The following UBR4 variants were observed in gnomAD, a reference collection of about 807,000 sequenced individuals.
The protein encoded by UBR4 is ubiquitin protein ligase E3 component n-recognin 4, also known as E3 ubiquitin-protein ligase UBR4.
Under a neutral mutation model 575.6 loss-of-function variants are expected in UBR4, and 124 were observed. That is an observed-to-expected ratio of 0.22 (90% CI 0.19 to 0.25). The LOEUF is 0.25. UBR4 is among the 10% of genes least tolerant of loss of function. The pLI is 1.00. For missense variants in UBR4, 4,818 were observed against 6,478.8 expected (o/e 0.74, Z 8.80); for synonymous variants, 2,455 against 2,473.7 (o/e 0.99, Z 0.22).
chr1:19,166,126 A>T (rs1303348134), intron 29 of UBR4, among the ~76,000 whole-genome samples: 2 of 152,246 alleles, frequency 1.3e-5, no homozygotes, highest in East Asian at 3.8e-4. Flanking sequence ...AAGAGGAGAC[A>T]GGGAATAAAA....
intron 64 of UBR4, among the ~76,000 whole-genome samples, chr1:19,125,860 T>C (rs1031783520): frequency 6.6e-6 from 1 of 152,182 alleles, no homozygotes; most frequent in Non-Finnish European, 1.5e-5. Context: ...TGGGCATTGA[T>C]ACATGCTAGG....
intron 70 of UBR4, 60 bp downstream of exon 70, chr1:19,119,497 T>G: frequency 6.3e-7 from 1 of 1,579,158 alleles, no homozygotes; most frequent in Admixed American, 1.8e-5. Context: ...TATTCTTAAC[T>G]CAAGAGAAAA....
At position 19,167,019 on chromosome 1, in the gene UBR4, C is replaced by T; in HGVS notation, c.4109+3G>A. 1.2e-6 allele frequency: 2 copies of T among 1,614,220 alleles called. No homozygotes were observed. The highest frequency in any genetic ancestry group is 1.7e-6 in the Non-Finnish European group (2 of 1,180,028). On this transcript the variant is annotated splice_donor_region_variant and intron_variant, in intron 29 of 105. Coordinates refer to ENST00000375254, the MANE Select transcript of UBR4 (RefSeq NM_020765.3). ...AAACCTGACTGTTCTCCATCAGGCT[C>T]ACCTGTTAGGATCTGCATGATTGGC...
intron 55 of UBR4, among the ~76,000 whole-genome samples, chr1:19,143,318 GAAAA>G (rs2084353039): frequency 7.0e-6 from 1 of 142,412 alleles, no homozygotes; most frequent in Non-Finnish European, 1.5e-5. Context: ...AAGAAAGAAA[GAAAA>G]TTTAAAAGTA....
rs182237400 is a variant in UBR4, at chr1:19,079,894, C to T, written c.15233+1455G>A. ...ATTTAAGGCCAATTAGTAAAGGTGACGAAACTGCTACAGAGAAAACAGCAA... is the reference window on the plus strand; with the variant it reads ...ATTTAAGGCCAATTAGTAAAGGTGATGAAACTGCTACAGAGAAAACAGCAA... On this transcript the variant is annotated intron_variant, in intron 103 of 105. Transcript: ENST00000375254. 1.3e-3 allele frequency: 200 copies of T among 152,302 alleles called. 1 individual carries two copies. Among genetic ancestry groups the T allele is most frequent in the African/African-American group, 4.4e-3 (181 of 41,576 alleles). The allele number at this position is 152,302 out of a possible 1,614,324, so 9.4% of individuals were successfully genotyped here.
intron 63 of UBR4, 145 bp downstream of exon 63, chr1:19,127,478 G>A (rs2149607646): frequency 1.4e-6 from 1 of 691,446 alleles, no homozygotes; most frequent in Admixed American, 2.3e-5. Context: ...TTCTGCTCTT[G>A]AAAAGGTGAC....
At chr1:19,177,179 T>G (rs1180933861) in intron 19 of UBR4, among the ~76,000 whole-genome samples, 19 of 152,220 alleles carry the variant, frequency 1.2e-4, no homozygotes. Context: ...CTCAGGGCAC[T>G]GCATCAGACA....
At chr1:19,192,457 A>G (rs1553229113) in intron 10 of UBR4, 24 bp downstream of exon 10, 1 of 1,614,226 alleles carries the variant, frequency 6.2e-7, no homozygotes, top group Non-Finnish European at 8.5e-7. Context: ...GGAAGTATGC[A>G]GCAGAGACAG....
At chr1:19,170,713 G>C (rs1407457118) in intron 26 of UBR4, 49 bp downstream of exon 26, 1 of 1,613,228 alleles carries the variant, frequency 6.2e-7, no homozygotes, top group African/African-American at 1.3e-5. Flanking sequence ...AGTACTAGCA[G>C]TAGTAGCTGT....
intron 78 of UBR4, 58 bp downstream of exon 78, chr1:19,112,466 C>A: frequency 2.6e-6 from 4 of 1,541,750 alleles, no homozygotes; most frequent in African/African-American, 1.4e-5. Flanking sequence ...ACGCTCCTGG[C>A]ATGGCTGCCA....
chr1:19,195,584 C>G (rs1383623007), intron 8 of UBR4, among the ~76,000 whole-genome samples: 1 of 152,032 alleles, frequency 6.6e-6, no homozygotes, highest in Non-Finnish European at 1.5e-5. Context: ...TTTAAAAATG[C>G]AAAATCAACG....
intron 21 of UBR4, 130 bp from the exon 22 acceptor site, chr1:19,174,577 G>T: frequency 1.5e-6 from 2 of 1,330,916 alleles, no homozygotes; most frequent in South Asian, 1.4e-5. Flanking sequence ...TTTCTCCTTG[G>T]AACAGATTCC....
chr1:19,156,473 G>T, intron 41 of UBR4, 50 bp from the exon 42 acceptor site: 1 of 1,591,618 alleles, frequency 6.3e-7, no homozygotes, highest in Non-Finnish European at 8.6e-7. Flanking sequence ...CTGAAAAGTG[G>T]GCTAATTCAT....
intron 90 of UBR4, 118 bp downstream of exon 90, chr1:19,099,479 G>T: frequency 1.1e-6 from 1 of 889,690 alleles, no homozygotes; most frequent in Non-Finnish European, 1.8e-6. Flanking sequence ...GGACAGTAAA[G>T]CCTTAGAGAG....
chr1:19,179,356 A>AT, intron 17 of UBR4, 136 bp from the exon 18 acceptor site: 1 of 970,196 alleles, frequency 1.0e-6, no homozygotes, highest in Non-Finnish European at 1.4e-6. Context: ...AGAAATTCAG[A>AT]TTTTGGAATA....
chr1:19,094,482 C>T (rs1323443917), intron 94 of UBR4, among the ~76,000 whole-genome samples: 1 of 152,148 alleles, frequency 6.6e-6, no homozygotes, highest in East Asian at 1.9e-4. Flanking sequence ...ACAGGCATAG[C>T]AGGTGGAGAG....
chr1:19,184,277 C>A, intron 15 of UBR4, 102 bp from the exon 16 acceptor site: 1 of 1,219,286 alleles, frequency 8.2e-7, no homozygotes, highest in Non-Finnish European at 1.1e-6. Context: ...CATAGGTATC[C>A]TGCAATAAAC....
chr1:19,156,226 G>A, intron 42 of UBR4, 45 bp downstream of exon 42: 4 of 1,600,110 alleles, frequency 2.5e-6, no homozygotes, highest in Non-Finnish European at 3.4e-6. Flanking sequence ...GGATTTAAAA[G>A]TAGAAAAATT....
rs751951530 is a variant in UBR4, at chr1:19,094,896, C to T, written c.13746+10G>A. On this transcript the variant is annotated intron_variant, in intron 94 of 105. Transcript: ENST00000375254. ...AGTGCCTGCAGATGGAGGGGCCGAG[C>T]CCCACTCACCTTGTCCTCACTCAGG... 6.2e-7 allele frequency: 1 copy of T among 1,612,582 alleles called. No homozygotes were observed. The highest frequency in any genetic ancestry group is 8.5e-7 in the Non-Finnish European group (1 of 1,179,886).
Sources: gnomAD v4.1 joint callset for allele counts (sites outside exome capture counted in the v4.1 genomes callset) on GRCh38, gnomAD v4.1.1 for gene constraint, MANE v1.5 for transcripts, NCBI Gene and HGNC (gene_info 2026-07-23, HGNC 2026-07-21) for gene names.